The following SAMD12 variants were observed in gnomAD, a reference collection of about 807,000 sequenced individuals.
SAMD12 encodes sterile alpha motif domain-containing protein 12.
Under a neutral mutation model 15.0 loss-of-function variants are expected in SAMD12, and 9 were observed. The ratio of observed to expected loss-of-function variants is 0.60; its 90% CI spans 0.36 to 1.05. SAMD12 has a LOEUF of 1.05. SAMD12 is among the 50% of genes least tolerant of loss of function. The pLI is 0.01. For missense variants in SAMD12, 230 were observed against 234.2 expected (o/e 0.98, Z 0.12); for synonymous variants, 86 against 90.1 (o/e 0.96, Z 0.25).
At chr8:118,297,619 A>AT (rs1248523726) in intron 4 of SAMD12, among the ~76,000 whole-genome samples, 1 of 152,172 alleles carries the variant, frequency 6.6e-6, no homozygotes, top group Non-Finnish European at 1.5e-5. Context: ...GATTAAAAAA[A>AT]TTTTTTTGGT....
At chr8:118,435,148 T>C (rs1029839851) in intron 3 of SAMD12, among the ~76,000 whole-genome samples, 3 of 152,132 alleles carry the variant, frequency 2.0e-5, no homozygotes, top group Non-Finnish European at 2.9e-5. Context: ...TTAATGCTAT[T>C]AGCACAGCAG....
At chr8:118,332,059 A>G (rs1816830779) in intron 4 of SAMD12, among the ~76,000 whole-genome samples, 1 of 152,178 alleles carries the variant, frequency 6.6e-6, no homozygotes, top group African/African-American at 2.4e-5. Flanking sequence ...AATCAAAGAA[A>G]AACTCAGGCC....
intron 4 of SAMD12, among the ~76,000 whole-genome samples, chr8:118,354,963 T>A (rs1299165105): frequency 1.3e-5 from 2 of 152,174 alleles, no homozygotes; most frequent in Non-Finnish European, 2.9e-5. Flanking sequence ...AAAATACCAC[T>A]ATGGAAAACA....
chr8:118,525,882 T>A (rs1268304865), intron 2 of SAMD12, among the ~76,000 whole-genome samples: 1 of 152,182 alleles, frequency 6.6e-6, no homozygotes, highest in African/African-American at 2.4e-5. Flanking sequence ...CCATACCCCA[T>A]AGATGGAGGA....
chr8:118,251,251 T>A (rs2130014904), intron 4 of SAMD12, among the ~76,000 whole-genome samples: 1 of 152,218 alleles, frequency 6.6e-6, no homozygotes, highest in African/African-American at 2.4e-5. Flanking sequence ...TTAAACCTGA[T>A]TCAGGTGCAT....
intron 4 of SAMD12, among the ~76,000 whole-genome samples, chr8:118,348,476 A>G (rs1487919015): frequency 1.3e-5 from 2 of 151,500 alleles, no homozygotes; most frequent in Non-Finnish European, 2.9e-5. Flanking sequence ...GGTTCGTGCC[A>G]TTCTCCTGCC....
chr8:118,158,892 C>A, the SAMD12 span, among the ~76,000 whole-genome samples: 2 of 152,016 alleles, frequency 1.3e-5, no homozygotes, highest in Non-Finnish European at 2.9e-5. Flanking sequence ...AAGGAGCTAC[C>A]CACTTCAGGT....
intron 4 of SAMD12, among the ~76,000 whole-genome samples, chr8:118,199,894 A>G (rs1819665060): frequency 6.6e-6 from 1 of 152,162 alleles, no homozygotes; most frequent in Admixed American, 6.5e-5. Flanking sequence ...TATCCAAATG[A>G]TATGGTTTGG....
the SAMD12 span, among the ~76,000 whole-genome samples, chr8:118,161,561 T>TAAA: frequency 3.2e-5 from 4 of 126,736 alleles, no homozygotes; most frequent in African/African-American, 9.4e-5. Context: ...TAAGACTGTC[T>TAAA]AAAAAAAAAA....
intron 4 of SAMD12, among the ~76,000 whole-genome samples, chr8:118,318,752 A>G (rs1349685042): frequency 6.6e-6 from 1 of 152,094 alleles, no homozygotes; most frequent in Non-Finnish European, 1.5e-5. Flanking sequence ...TGCTTGAGGG[A>G]GAGAAGAAGG....
intron 1 of SAMD12, among the ~76,000 whole-genome samples, chr8:118,589,049 C>T (rs1014903988): frequency 7.2e-5 from 11 of 152,158 alleles, no homozygotes; most frequent in African/African-American, 2.7e-4. Context: ...AAAAGCTGAA[C>T]ATGTCCACCC....
intron 2 of SAMD12, among the ~76,000 whole-genome samples, chr8:118,552,192 C>A (rs370205831): frequency 9.2e-5 from 14 of 152,258 alleles, no homozygotes; most frequent in East Asian, 3.9e-4. Flanking sequence ...CCAGCATCAT[C>A]CTGATACCAA....
chr8:118,494,211 G>A (rs779062529), intron 2 of SAMD12, among the ~76,000 whole-genome samples: 2 of 152,200 alleles, frequency 1.3e-5, no homozygotes, highest in African/African-American at 4.8e-5. Flanking sequence ...AGCTGGAAGA[G>A]ACAAAGCAGT....
chr8:118,168,482 G>A, the SAMD12 span, among the ~76,000 whole-genome samples: 1 of 152,156 alleles, frequency 6.6e-6, no homozygotes, highest in African/African-American at 2.4e-5. Context: ...GAACCAATAT[G>A]AGAGTGCTGA....
chr8:118,602,137 GA>G (rs111552508), intron 1 of SAMD12, among the ~76,000 whole-genome samples: 1 of 151,012 alleles, frequency 6.6e-6, no homozygotes, highest in African/African-American at 2.4e-5. Flanking sequence ...TGCCAAATAG[GA>G]AAAAAAAATA....
exon 5 of SAMD12, chr8:118,191,799 TATATATATATATAG>T (rs1563686572): frequency 1.4e-4 from 6 of 42,152 alleles, no homozygotes; most frequent in African/African-American, 4.1e-4. Flanking sequence ...TATATATATA[TATATATATATATAG>T]AGAGAGAGAG....
intron 2 of SAMD12, among the ~76,000 whole-genome samples, chr8:118,454,347 T>C (rs2130922249): frequency 6.6e-6 from 1 of 152,332 alleles, no homozygotes; most frequent in East Asian, 1.9e-4. Context: ...TTTGATATCT[T>C]ACATTTTTCC....
chr8:118,469,125 T>G (rs923441414), intron 2 of SAMD12, among the ~76,000 whole-genome samples: 3 of 152,104 alleles, frequency 2.0e-5, no homozygotes, highest in African/African-American at 7.2e-5. Context: ...AGAAGTCCCC[T>G]TGTCATCTCT....
intron 3 of SAMD12, among the ~76,000 whole-genome samples, chr8:118,424,726 T>A (rs1332769921): frequency 6.6e-6 from 1 of 152,104 alleles, no homozygotes; most frequent in East Asian, 1.9e-4. Flanking sequence ...ATTGTAAATA[T>A]CATCAATCCT....
Sources: gnomAD v4.1 joint callset for allele counts (sites outside exome capture counted in the v4.1 genomes callset) on GRCh38, gnomAD v4.1.1 for gene constraint, MANE v1.5 for transcripts, NCBI Gene and HGNC (gene_info 2026-07-23, HGNC 2026-07-21) for gene names.